SNED1: variants seen among roughly 807,000 people sequenced by gnomAD.
SNED1 encodes the protein sushi, nidogen and EGF like domains 1, also known as sushi, nidogen and EGF-like domain-containing protein 1.
SNED1 carries 81 observed loss-of-function variants against 166.7 expected under a neutral mutation model. That is an observed-to-expected ratio of 0.49 (90% CI 0.41 to 0.58). The LOEUF is 0.58. Ranked by LOEUF, SNED1 falls within the 20% of genes least tolerant of loss-of-function variation. The pLI, the probability that SNED1 is intolerant of heterozygous loss-of-function variation, is 0.00. For missense variants in SNED1, 1,604 were observed against 2,000.2 expected, an observed-to-expected ratio of 0.80 and a Z score of 3.78; for synonymous variants, 762 against 822.0, an observed-to-expected ratio of 0.93 and a Z score of 1.25.
At chr2:241,070,938 T>C (rs1400510627) in intron 24 of SNED1, among the ~76,000 whole-genome samples, 1 of 152,190 alleles carries the variant, frequency 6.6e-6, no homozygotes, top group Non-Finnish European at 1.5e-5. Context: ...CCCGTGAGGC[T>C]GTGCTGGGGA....
intron 1 of SNED1, among the ~76,000 whole-genome samples, chr2:241,027,241 C>T (rs1173599693): frequency 6.6e-6 from 1 of 152,064 alleles, no homozygotes; most frequent in East Asian, 1.9e-4. Flanking sequence ...CCACCATGCC[C>T]AGCTAATGTT....
At position 241,053,133 on chromosome 2, in the gene SNED1, C is replaced by A. The variant is rs1169364149; in HGVS notation, c.2084-20C>A. The A allele has an allele frequency of 6.2e-7, 1 of 1,602,030 alleles. No homozygotes were observed. Among genetic ancestry groups the A allele is most frequent in the South Asian group, 1.1e-5 (1 of 89,974 alleles). On this transcript the variant is annotated intron_variant, in intron 15 of 31. Transcript: ENST00000310397. Reference sequence around the variant, plus strand: ...CAGGAAGGCACAGGACCGTGCGAGACAGGCTGCCGTGCCTTGCAGAGGTGG... The same window carrying A: ...CAGGAAGGCACAGGACCGTGCGAGAAAGGCTGCCGTGCCTTGCAGAGGTGG...
At chr2:241,029,801 C>T (rs1292155653) in intron 1 of SNED1, among the ~76,000 whole-genome samples, 2 of 152,198 alleles carry the variant, frequency 1.3e-5, no homozygotes, top group Non-Finnish European at 2.9e-5. Context: ...CCTGGCCATC[C>T]CCCTCCGCTC....
intron 28 of SNED1, among the ~76,000 whole-genome samples, 162 bp downstream of exon 28, chr2:241,081,955 C>T (rs2063348925): frequency 6.6e-6 from 1 of 152,208 alleles, no homozygotes; most frequent in South Asian, 2.1e-4. Flanking sequence ...CCAGGGGCTG[C>T]GCTGCTGCCC....
chr2:241,006,339 G>A (rs2060220962), intron 1 of SNED1, among the ~76,000 whole-genome samples: 2 of 151,874 alleles, frequency 1.3e-5, no homozygotes, highest in South Asian at 4.1e-4. Context: ...TAAAATTACT[G>A]TCTACTAATT....
rs1294146608 is a variant in SNED1 at position 241,094,582 on chromosome 2, C to T, written c.*2946C>T. 4 of 357,450 alleles carry T rather than the reference C, an allele frequency of 1.1e-5. No homozygotes were observed. The highest frequency in any genetic ancestry group is 4.3e-5 in the South Asian group (2 of 46,704). 22.1% of individuals were successfully genotyped at this position (357,450 alleles called of 1,614,324 possible). A position where few individuals can be genotyped will look rare whatever the true frequency, so the allele number is the denominator to read the frequency against. ...TTTCTTTTAAATAAAATAATACGAT[C>T]CTAAGTCCATTTACCATCTGAAGTT... On this transcript the variant is annotated 3_prime_UTR_variant, in exon 32 of 32. Coordinates refer to ENST00000310397, the MANE Select transcript of SNED1 (RefSeq NM_001080437.3). This position sits in a 1 kb window ranked among gnomAD's most constrained non-coding sequence, Gnocchi z 4.3.
At chr2:241,072,380 G>A (rs955085173) in intron 26 of SNED1, 9 of 366,738 alleles carry the variant, frequency 2.5e-5, no homozygotes, top group East Asian at 1.5e-4. Flanking sequence ...GGTGAGTGCC[G>A]CTCTGGGAAT....
chr2:241,077,533 G>A (rs567709645), intron 27 of SNED1, among the ~76,000 whole-genome samples: 7 of 152,086 alleles, frequency 4.6e-5, no homozygotes, highest in Middle Eastern at 3.4e-3. Flanking sequence ...AGAGACCCGC[G>A]TCTAAAATAA....
intron 1 of SNED1, among the ~76,000 whole-genome samples, chr2:241,015,373 C>G (rs1031693495): frequency 6.6e-6 from 1 of 152,124 alleles, no homozygotes; most frequent in East Asian, 1.9e-4. Flanking sequence ...TTCACACTAT[C>G]GTAAATAGTG....
rs1399588585 is a variant in SNED1, at chr2:241,068,883, TTCTC to T, written c.3195-24_3195-21del. On this transcript the variant is annotated intron_variant, in intron 22 of 31. Coordinates refer to ENST00000310397, the MANE Select transcript of SNED1 (RefSeq NM_001080437.3). This position sits in a 1 kb window ranked among gnomAD's most constrained non-coding sequence, Gnocchi z 5.3. ...CACACACAGGTCCCAGACATCCCTG[TTCTC>T]TCTTTGTCACCTCCTGCCCACAGGG... The T allele has an allele frequency of 6.8e-7, 1 of 1,475,438 alleles. No homozygotes were observed. The highest frequency in any genetic ancestry group is 9.2e-7 in the Non-Finnish European group (1 of 1,082,242). The allele number at this position is 1,475,438 out of a possible 1,614,324, so 91.4% of individuals were successfully genotyped here.
chr2:241,025,917 A>G (rs1253739264), intron 1 of SNED1, among the ~76,000 whole-genome samples: 2 of 151,804 alleles, frequency 1.3e-5, no homozygotes, highest in Non-Finnish European at 2.9e-5. Flanking sequence ...GTGCAGCAGC[A>G]ATAGAAAAAG....
chr2:241,088,363 A>G lies in SNED1; in HGVS notation c.4206-2A>G. The stretch of plus-strand genomic sequence containing the variant: ...TAAACGACTTTTCTCTAATTATTTC[A>G]GGAAACAAAGTAAGAGTCAGACACT... On this transcript the variant is annotated splice_acceptor_variant, in intron 30 of 31. Coordinates refer to ENST00000310397, the MANE Select transcript of SNED1 (RefSeq NM_001080437.3). LOFTEE classifies it high-confidence loss of function. 6.2e-7 allele frequency: 1 copy of G among 1,607,542 alleles called. No individual in the cohort carries two copies. The highest frequency in any genetic ancestry group is 8.5e-7 in the Non-Finnish European group (1 of 1,174,012).
At chr2:241,081,827 C>A in intron 28 of SNED1, 34 bp downstream of exon 28, 2 of 1,468,750 alleles carry the variant, frequency 1.4e-6, no homozygotes, top group Non-Finnish European at 1.9e-6. Context: ...GCGCCCCTTC[C>A]AACACAGCCT....
chr2:241,065,672 G>T (rs917259089), intron 21 of SNED1, 77 bp downstream of exon 21: 49 of 1,312,160 alleles, frequency 3.7e-5, no homozygotes, highest in Non-Finnish European at 4.7e-5. Context: ...CACCTGCAGG[G>T]CGGCTGTCAT....
At chr2:241,048,604 C>T (rs568608260) in intron 9 of SNED1, 58 bp from the exon 10 acceptor site, 3 of 1,520,934 alleles carry the variant, frequency 2.0e-6, no homozygotes, top group South Asian at 1.2e-5. Flanking sequence ...GGGTCTGGAG[C>T]GAGGGTGCCA....
rs2059995225 is a variant in SNED1, at chr2:240,998,942, C to T, written c.105C>T (p.Gly35=). 4.7e-6 allele frequency: 6 copies of T among 1,288,836 alleles called. No individual in the cohort carries two copies. The highest frequency in any genetic ancestry group is 1.6e-5 in the African/African-American group (1 of 63,872). 79.8% of individuals were successfully genotyped at this position (1,288,836 alleles called of 1,614,324 possible). ...AVALADFYPF[G]AERGDAVTPK... is the part of the protein sequence containing the mutation. ...CCCTTGCCGACTTCTACCCGTTCGG[C>T]GCCGAGCGCGGCGACGCCGTCACCC... Residue 35 remains glycine, a synonymous_variant, in exon 1 of 32, where the codon GGC becomes GGT. Transcript: ENST00000310397.
At chr2:241,033,490 G>GT (rs1288288093) in intron 2 of SNED1, 12 of 486,142 alleles carry the variant, frequency 2.5e-5, no homozygotes, top group Non-Finnish European at 7.3e-6. Flanking sequence ...CACCCCAGGT[G>GT]TTTCACTCAC....
intron 1 of SNED1, among the ~76,000 whole-genome samples, chr2:241,029,325 T>A (rs1200028229): frequency 2.0e-5 from 3 of 152,258 alleles, no homozygotes; most frequent in Non-Finnish European, 4.4e-5. Context: ...CAAGGCACTG[T>A]CAGTCAGCCT....
At chr2:241,028,964 G>A (rs954881996) in intron 1 of SNED1, among the ~76,000 whole-genome samples, 10 of 152,332 alleles carry the variant, frequency 6.6e-5, no homozygotes, top group Admixed American at 2.6e-4. Flanking sequence ...TGAGGCCTAA[G>A]ATGATGCCAT....
Sources: gnomAD v4.1 joint callset for allele counts (sites outside exome capture counted in the v4.1 genomes callset) on GRCh38, gnomAD v4.1.1 for gene constraint, Gnocchi (gnomAD v3.1) non-coding constraint, MANE v1.5 for transcripts, NCBI Gene and HGNC (gene_info 2026-07-23, HGNC 2026-07-21) for gene names.